The following PTPRD variants were observed in gnomAD, a reference collection of about 807,000 sequenced individuals.
PTPRD encodes the protein protein tyrosine phosphatase receptor type D.
Under a neutral mutation model 214.5 loss-of-function variants are expected in PTPRD, and 34 were observed. That is an observed-to-expected ratio of 0.16 (90% CI 0.12 to 0.21). The LOEUF (loss-of-function observed/expected upper bound fraction) is 0.21. PTPRD is among the 10% of genes least tolerant of loss of function. PTPRD has a pLI of 1.00. For synonymous variants in PTPRD, 1,128 were observed against 845.7 expected, an observed-to-expected ratio of 1.33 and a Z score of -5.79; for missense variants, 2,545 against 2,398.7, an observed-to-expected ratio of 1.06 and a Z score of -1.27.
intron 7 of PTPRD, among the ~76,000 whole-genome samples, chr9:9,671,517 G>T (rs911367132): frequency 6.6e-6 from 1 of 152,080 alleles, no homozygotes; most frequent in Non-Finnish European, 1.5e-5. Context: ...GGAGGGGCCA[G>T]GGGCAGAATG....
At chr9:9,020,575 G>A (rs996211112) in intron 10 of PTPRD, among the ~76,000 whole-genome samples, 9 of 152,110 alleles carry the variant, frequency 5.9e-5, no homozygotes, top group South Asian at 2.1e-4. Flanking sequence ...CTGAGTGCAC[G>A]TGCTGCCATT....
chr9:9,350,443 G>C (rs564867810), intron 9 of PTPRD, among the ~76,000 whole-genome samples: 27 of 152,126 alleles, frequency 1.8e-4, no homozygotes, highest in African/African-American at 6.5e-4. Flanking sequence ...TCCTCTGTAA[G>C]AGTCTCTAAA....
At chr9:9,063,221 T>C (rs1364175776) in intron 10 of PTPRD, among the ~76,000 whole-genome samples, 1 of 152,234 alleles carries the variant, frequency 6.6e-6, no homozygotes, top group East Asian at 1.9e-4. Context: ...ATCTTTAATA[T>C]GAGATAGAAA....
chr9:10,248,869 A>C (rs1336927506), intron 3 of PTPRD, among the ~76,000 whole-genome samples: 1 of 100,320 alleles, frequency 1.0e-5, no homozygotes, highest in African/African-American at 2.8e-5. Flanking sequence ...CACAGAGGTG[A>C]TATTTTATCT....
intron 2 of PTPRD, among the ~76,000 whole-genome samples, chr9:10,377,216 T>C (rs1565639493): frequency 6.6e-6 from 1 of 152,056 alleles, no homozygotes; most frequent in East Asian, 1.9e-4. Context: ...CCATCCATGT[T>C]GTTGCAAATG....
rs187104610 is a variant in PTPRD, at chr9:10,423,960, G to A, written c.-599-82943C>T. 1.2e-3 allele frequency among the ~76,000 whole-genome samples: 186 copies of A among 152,000 alleles called. 1 individual carries two copies. Among genetic ancestry groups the A allele is most frequent in the African/African-American group, 4.3e-3 (179 of 41,488 alleles). ...TTCTCAAGTCTGAACCTTTCACTAA[G>A]ATTTTCCAATAGAGGGTATATTCTT... On this transcript the variant is annotated intron_variant, in intron 2 of 45. Transcript: ENST00000381196.
At position 9,382,154 on chromosome 9, in the gene PTPRD, T is replaced by G. The variant is rs1198387326; in HGVS notation, c.-203+15295A>C. ...TTTTTTGTGCTATTGTAAATGGGAT[T>G]TTTTTTCTTAATTTTCTTTTTGAAT... On this transcript the variant is annotated intron_variant, in intron 9 of 45. Coordinates refer to ENST00000381196, the MANE Select transcript of PTPRD (RefSeq NM_002839.4). 9.0e-5 allele frequency among the ~76,000 whole-genome samples: 8 copies of G among 89,142 alleles called. No homozygotes were observed. In the Admixed American group the frequency reaches 9.1e-4, roughly 10 times the overall value. The allele number at this position is 89,142 out of a possible 152,430, so 58.5% of individuals were successfully genotyped here. A position where few individuals can be genotyped will look rare whatever the true frequency, so the allele number is the denominator to read the frequency against.
chr9:10,189,273 G>A (rs1009893144), intron 3 of PTPRD, among the ~76,000 whole-genome samples: 2 of 152,176 alleles, frequency 1.3e-5, no homozygotes, highest in Non-Finnish European at 2.9e-5. Context: ...GGTGACTCCA[G>A]CTGCTGGCTG....
At chr9:9,271,175 T>C (rs536127740) in intron 9 of PTPRD, among the ~76,000 whole-genome samples, 9 of 151,404 alleles carry the variant, frequency 5.9e-5, no homozygotes, top group African/African-American at 1.9e-4. Flanking sequence ...AGATTAGTCA[T>C]ACATCTCAAT....
chr9:9,706,040 A>T (rs1454219693), intron 7 of PTPRD, among the ~76,000 whole-genome samples: 1 of 152,172 alleles, frequency 6.6e-6, no homozygotes, highest in African/African-American at 2.4e-5. Flanking sequence ...CAAATTAATC[A>T]TGAGGATGAA....
At chr9:8,622,294 A>T in intron 14 of PTPRD, among the ~76,000 whole-genome samples, 1 of 151,872 alleles carries the variant, frequency 6.6e-6, no homozygotes, top group East Asian at 1.9e-4. Context: ...CTCTCAGAAC[A>T]TTTTTACTCA....
Position 8,623,342 on chromosome 9 carries a change from T to C in PTPRD, c.352+9975A>G, listed in dbSNP as rs571910010. 1.4e-4 allele frequency among the ~76,000 whole-genome samples: 22 copies of C among 152,032 alleles called. 1 individual carries two copies. In the South Asian group the frequency reaches 3.9e-3, roughly 27 times the overall value. On this transcript the variant is annotated intron_variant, in intron 14 of 45. Coordinates refer to ENST00000381196, the MANE Select transcript of PTPRD (RefSeq NM_002839.4). ...CTTAAGTATACTCCCCTATCACTTA[T>C]GACAGAATGATGTTCAAATTTCAAA...
In PTPRD at chr9:8,486,535, G is replaced by A. The variant is rs2097017217; in HGVS notation, c.2468-186C>T. The stretch of plus-strand genomic sequence containing the variant: ...ATGCTCCTTGTCTTACTTTATTAAA[G>A]TAGGCTGAGATACTAGAATTTGATA... On this transcript the variant is annotated intron_variant, in intron 27 of 45. Coordinates refer to ENST00000381196, the MANE Select transcript of PTPRD (RefSeq NM_002839.4). 1.8e-5 allele frequency: 13 copies of A among 713,952 alleles called. 1 individual carries two copies. The South Asian group carries it at 1.9e-4, about 11-fold the overall frequency. The allele number at this position is 713,952 out of a possible 1,614,324, so 44.2% of individuals were successfully genotyped here.
chr9:9,058,881 G>A (rs548411116), intron 10 of PTPRD, among the ~76,000 whole-genome samples: 60 of 152,240 alleles, frequency 3.9e-4, no homozygotes, highest in Middle Eastern at 3.4e-3. Flanking sequence ...TCTGAAGATG[G>A]AGCAAAGGAA....
At chr9:9,692,499 T>A (rs2097291785) in intron 7 of PTPRD, among the ~76,000 whole-genome samples, 2 of 152,114 alleles carry the variant, frequency 1.3e-5, no homozygotes, top group African/African-American at 2.4e-5. Context: ...TCTGTTTTTA[T>A]GCCAGTACTA....
intron 2 of PTPRD, among the ~76,000 whole-genome samples, chr9:10,409,415 A>C (rs2098411245): frequency 6.6e-6 from 1 of 151,752 alleles, no homozygotes; most frequent in Non-Finnish European, 1.5e-5. Flanking sequence ...TAATCACCCT[A>C]ATAGCATCAT....
chr9:10,097,056 A>C (rs1439313148), intron 3 of PTPRD, among the ~76,000 whole-genome samples: 1 of 151,314 alleles, frequency 6.6e-6, no homozygotes, highest in Non-Finnish European at 1.5e-5. Flanking sequence ...GTAGATATGC[A>C]GCATTATTTC....
intron 11 of PTPRD, among the ~76,000 whole-genome samples, chr9:8,912,188 T>C (rs1002421548): frequency 7.9e-5 from 12 of 152,198 alleles, no homozygotes; most frequent in Admixed American, 3.3e-4. Context: ...TATATGTCCA[T>C]GTAAAAATAT....
intron 7 of PTPRD, among the ~76,000 whole-genome samples, chr9:9,645,360 T>C (rs1183747643): frequency 1.3e-5 from 2 of 152,086 alleles, no homozygotes; most frequent in South Asian, 2.1e-4. Flanking sequence ...CTCATTCATA[T>C]TAAACTCCCA....
Sources: allele counts gnomAD v4.1 joint callset (sites outside exome capture counted in the v4.1 genomes callset), GRCh38; gene constraint gnomAD v4.1.1; transcripts MANE v1.5; gene names NCBI Gene and HGNC (gene_info 2026-07-23, HGNC 2026-07-21).